Variants in SGCZ observed in about 807,000 individuals in gnomAD.
SGCZ encodes the protein sarcoglycan zeta, also known as zeta-sarcoglycan.
Under a neutral mutation model 41.3 loss-of-function variants are expected in SGCZ, and 40 were observed. That is an observed-to-expected ratio of 0.97 (90% CI 0.75 to 1.26). SGCZ has a LOEUF of 1.26. Among genes scored for constraint, SGCZ ranks in the 50% most tolerant of loss-of-function variants. SGCZ has a pLI of 0.00. For synonymous variants in SGCZ, 206 were observed against 137.5 expected, an observed-to-expected ratio of 1.50 and a Z score of -3.49; for missense variants, 552 against 369.8, an observed-to-expected ratio of 1.49 and a Z score of -4.04.
chr8:14,999,914 G>A (rs528846453), intron 1 of SGCZ, among the ~76,000 whole-genome samples: 154 of 152,194 alleles, frequency 1.0e-3, no homozygotes, highest in African/African-American at 3.5e-3. Flanking sequence ...GTATTACAAG[G>A]GTGTTACGGG....
intron 2 of SGCZ, among the ~76,000 whole-genome samples, chr8:14,396,856 G>A (rs1798934623): frequency 6.6e-6 from 1 of 151,844 alleles, no homozygotes; most frequent in African/African-American, 2.4e-5. Flanking sequence ...AGATCAAATA[G>A]CATTATTGTG....
intron 4 of SGCZ, among the ~76,000 whole-genome samples, chr8:14,173,134 C>A (rs564342456): frequency 6.6e-6 from 1 of 151,718 alleles, no homozygotes; most frequent in Non-Finnish European, 1.5e-5. Flanking sequence ...CAGGAGCAAG[C>A]TGATATGCTA....
At chr8:14,903,830 C>A (rs934190515) in intron 1 of SGCZ, among the ~76,000 whole-genome samples, 3 of 151,870 alleles carry the variant, frequency 2.0e-5, no homozygotes, top group African/African-American at 7.3e-5. Flanking sequence ...AGACATATTG[C>A]TGATTTTGGG....
intron 1 of SGCZ, among the ~76,000 whole-genome samples, chr8:14,758,678 G>A (rs758242290): frequency 6.6e-5 from 10 of 152,234 alleles, no homozygotes; most frequent in South Asian, 2.1e-4. Flanking sequence ...ACATTAAAGC[G>A]AAATTATTTA....
chr8:14,602,445 G>A (rs930427840), intron 1 of SGCZ, among the ~76,000 whole-genome samples: 3 of 152,042 alleles, frequency 2.0e-5, no homozygotes, highest in Non-Finnish European at 2.9e-5. Flanking sequence ...AGGTAATTGG[G>A]AGGCTGAGGT....
Position 14,089,688 on chromosome 8 carries a change from C to T in SGCZ, c.*755G>A, listed in dbSNP as rs772525429. Among the ~76,000 whole-genome samples, 1 of 151,938 alleles carries T rather than the reference C, an allele frequency of 6.6e-6. No individual in the cohort carries two copies. The highest frequency in any genetic ancestry group is 1.5e-5 in the Non-Finnish European group (1 of 67,964). ...AAAGCAAATACGTCACATGCAGTAG[C>T]CATGTAAATACTATATAAGGCCATC... On this transcript the variant is annotated 3_prime_UTR_variant, in exon 8 of 8. Transcript: ENST00000382080.
chr8:14,652,334 C>CA (rs34266117), intron 1 of SGCZ, among the ~76,000 whole-genome samples: 13,307 of 47,570 alleles, frequency 0.28, 1,721 homozygotes, highest in East Asian at 0.68. Context: ...CAGCAAGACT[C>CA]AAAAAAAAAA....
At chr8:14,944,025 G>A (rs2130824570) in intron 1 of SGCZ, among the ~76,000 whole-genome samples, 1 of 152,114 alleles carries the variant, frequency 6.6e-6, no homozygotes, top group Middle Eastern at 3.4e-3. Flanking sequence ...GCATTTAGGT[G>A]AATTCCATGT....
intron 2 of SGCZ, among the ~76,000 whole-genome samples, chr8:14,345,742 G>A (rs1010914292): frequency 2.0e-5 from 3 of 152,090 alleles, no homozygotes; most frequent in Admixed American, 2.0e-4. Flanking sequence ...GCATTCCAAA[G>A]TTTAATATCA....
intron 1 of SGCZ, among the ~76,000 whole-genome samples, chr8:14,784,913 A>AAAAAAAAAAAAAAAAAAT (rs1408574493): frequency 1.4e-4 from 12 of 88,028 alleles, no homozygotes; most frequent in African/African-American, 1.9e-4. Flanking sequence ...AAAAAAAAAA[A>AAAAAAAAAAAAAAAAAAT]ATATATATAT....
At chr8:14,544,427 C>T (rs543454931) in intron 2 of SGCZ, among the ~76,000 whole-genome samples, 11 of 152,056 alleles carry the variant, frequency 7.2e-5, no homozygotes, top group South Asian at 4.2e-4. Context: ...TGATTGCCTG[C>T]GGGGTCGGGG....
intron 1 of SGCZ, among the ~76,000 whole-genome samples, chr8:14,808,154 T>G (rs1801610931): frequency 6.6e-6 from 1 of 152,110 alleles, no homozygotes; most frequent in Non-Finnish European, 1.5e-5. Context: ...GTAATACCAT[T>G]CAGGACATAG....
chr8:14,391,179 G>A (rs190735504), intron 2 of SGCZ, among the ~76,000 whole-genome samples: 9 of 152,200 alleles, frequency 5.9e-5, no homozygotes, highest in Admixed American at 3.9e-4. Flanking sequence ...CCAGGTTTGA[G>A]AATGGAAAAA....
chr8:15,161,555 G>A (rs985093798), intron 1 of SGCZ, among the ~76,000 whole-genome samples: 3 of 152,114 alleles, frequency 2.0e-5, no homozygotes, highest in African/African-American at 7.2e-5. Context: ...TGCTTAATGG[G>A]TCTCTGTGAA....
Position 14,954,547 on chromosome 8 carries a change from C to A in SGCZ, c.39+283038G>T, listed in dbSNP as rs557013857. Among the ~76,000 whole-genome samples, 15 of 152,238 alleles carry A rather than the reference C, an allele frequency of 9.9e-5. No individual in the cohort carries two copies. In the East Asian group the frequency reaches 2.5e-3, roughly 26 times the overall value. On this transcript the variant is annotated intron_variant, in intron 1 of 7. Coordinates refer to ENST00000382080, the MANE Select transcript of SGCZ (RefSeq NM_139167.4). ...TGCATTACACAAAATTATAACTGTT[C>A]TCCTGCTCACAGACTCTCTTTATCA...
At chr8:14,694,753 A>G (rs750250786) in intron 1 of SGCZ, among the ~76,000 whole-genome samples, 1 of 152,094 alleles carries the variant, frequency 6.6e-6, no homozygotes, top group African/African-American at 2.4e-5. Context: ...AATAACTCAT[A>G]TTTATTTATC....
At chr8:14,288,614 T>C (rs370753077) in intron 3 of SGCZ, among the ~76,000 whole-genome samples, 63 of 152,306 alleles carry the variant, frequency 4.1e-4, no homozygotes, top group African/African-American at 1.5e-3. Flanking sequence ...TATGTAATAG[T>C]ATTTCAATCC....
At chr8:14,133,171 T>G (rs1320819577) in intron 5 of SGCZ, among the ~76,000 whole-genome samples, 1 of 152,198 alleles carries the variant, frequency 6.6e-6, no homozygotes, top group Non-Finnish European at 1.5e-5. Context: ...AGTTCTTTTG[T>G]GAACATGTAT....
At chr8:14,315,526 A>T (rs552961763) in intron 3 of SGCZ, among the ~76,000 whole-genome samples, 1 of 152,200 alleles carries the variant, frequency 6.6e-6, no homozygotes, top group African/African-American at 2.4e-5. Context: ...CCCACGCACA[A>T]TTTAATAGTA....
Sources: gnomAD v4.1 joint callset for allele counts (sites outside exome capture counted in the v4.1 genomes callset) on GRCh38, gnomAD v4.1.1 for gene constraint, MANE v1.5 for transcripts, NCBI Gene and HGNC (gene_info 2026-07-23, HGNC 2026-07-21) for gene names.